TRPC5: variants seen among roughly 807,000 people sequenced by gnomAD.
The protein encoded by TRPC5 is transient receptor potential cation channel subfamily C member 5, also known as short transient receptor potential channel 5.
TRPC5 carries 9 observed loss-of-function variants against 56.5 expected under a neutral mutation model. That is an observed-to-expected ratio of 0.16 (90% CI 0.10 to 0.28). TRPC5 has a LOEUF of 0.28. TRPC5 is among the 10% of genes least tolerant of loss of function. TRPC5 has a pLI of 1.00. For synonymous variants in TRPC5, 282 were observed against 278.5 expected, an observed-to-expected ratio of 1.01 and a Z score of -0.13; for missense variants, 469 against 748.9, an observed-to-expected ratio of 0.63 and a Z score of 4.36.
At chrX:112,075,144 T>A (rs1298926365) in intron 1 of TRPC5, among the ~76,000 whole-genome samples, 1 of 112,615 alleles carries the variant, frequency 8.9e-6, no homozygotes, top group South Asian at 3.7e-4. Flanking sequence ...ATGACCACTA[T>A]GTAAAGATGA....
intron 2 of TRPC5, among the ~76,000 whole-genome samples, chrX:111,918,764 G>A (rs185096167): frequency 9.0e-6 from 1 of 111,601 alleles, no homozygotes; most frequent in East Asian, 2.9e-4. Context: ...GGGAGACTGT[G>A]GACAGAGAGT....
chrX:112,045,026 C>T (rs939564453), intron 1 of TRPC5, among the ~76,000 whole-genome samples: 6 of 112,239 alleles, frequency 5.3e-5, no homozygotes, highest in Admixed American at 9.5e-5. Flanking sequence ...TCTTTGCCTG[C>T]GTCACAAGGG....
intron 3 of TRPC5, among the ~76,000 whole-genome samples, chrX:111,895,017 G>T (rs779710533): frequency 6.3e-5 from 7 of 111,332 alleles, no homozygotes; most frequent in Middle Eastern, 4.7e-3. Context: ...CCTGTATCTT[G>T]GTGGATATTT....
At chrX:112,062,305 A>G (rs1169401928) in intron 1 of TRPC5, among the ~76,000 whole-genome samples, 1 of 111,990 alleles carries the variant, frequency 8.9e-6, no homozygotes, top group African/African-American at 3.2e-5. Flanking sequence ...GAAATACAGA[A>G]CCAAGATCCT....
chrX:111,963,750 T>A (rs1296466968), intron 1 of TRPC5, among the ~76,000 whole-genome samples: 6 of 112,096 alleles, frequency 5.4e-5, no homozygotes, highest in Non-Finnish European at 1.1e-4. Context: ...CCAACAGAGC[T>A]GCAGCTGAGG....
At chrX:111,999,669 G>A (rs1410490438) in intron 1 of TRPC5, among the ~76,000 whole-genome samples, 1 of 112,016 alleles carries the variant, frequency 8.9e-6, no homozygotes, top group Non-Finnish European at 1.9e-5. Flanking sequence ...TAGGGGAATT[G>A]TAATTAGAGT....
chrX:111,861,516 A>G (rs1392582455), intron 3 of TRPC5, among the ~76,000 whole-genome samples: 1 of 111,811 alleles, frequency 8.9e-6, no homozygotes, highest in Non-Finnish European at 1.9e-5. Flanking sequence ...GTTTTTATAC[A>G]CCTTGCATGC....
In TRPC5 at chrX:111,777,133, A is replaced by G. The variant is rs774221842; in HGVS notation, c.2233-131T>C. On this transcript the variant is annotated intron_variant, in intron 10 of 10. Transcript: ENST00000262839. Reference sequence around the variant, plus strand: ...TCACAAAACACCAGAAAAATCTGCCATTATTCAAACACAAGAAAAACATAT... The same window carrying G: ...TCACAAAACACCAGAAAAATCTGCCGTTATTCAAACACAAGAAAAACATAT... 9.9e-6 allele frequency: 5 copies of G among 504,298 alleles called. No homozygotes were observed. The East Asian group carries it at 1.8e-4, about 18-fold the overall frequency. The allele number at this position is 504,298 out of a possible 1,213,427, so 41.6% of individuals were successfully genotyped here.
rs1945857438 is a variant in TRPC5 at position 111,773,699 on chromosome X, T to C, written c.*2614A>G. Reference sequence around the variant, plus strand: ...GTCATTGTCCTTCTCTGGGCCTCTTTATTTTCTATTTGTAAAATATGAGGT... The same window carrying C: ...GTCATTGTCCTTCTCTGGGCCTCTTCATTTTCTATTTGTAAAATATGAGGT... On this transcript the variant is annotated 3_prime_UTR_variant, in exon 11 of 11. Coordinates refer to ENST00000262839, the MANE Select transcript of TRPC5 (RefSeq NM_012471.3). Among the ~76,000 whole-genome samples the C allele has an allele frequency of 9.0e-6, 1 of 111,568 alleles. No individual in the cohort carries two copies. Among genetic ancestry groups the C allele is most frequent in the Non-Finnish European group, 1.9e-5 (1 of 53,071 alleles).
At chrX:112,033,616 A>G (rs570385239) in intron 1 of TRPC5, among the ~76,000 whole-genome samples, 4 of 110,870 alleles carry the variant, frequency 3.6e-5, no homozygotes, top group East Asian at 5.6e-4. Flanking sequence ...GTGAAATTCA[A>G]CTTCATGAAG....
chrX:111,998,345 T>C (rs150464366), intron 1 of TRPC5, among the ~76,000 whole-genome samples: 183 of 112,401 alleles, frequency 1.6e-3, no homozygotes, highest in African/African-American at 5.2e-3. Context: ...ATGTATACAA[T>C]GTCTAATAAT....
At position 112,046,103 on chromosome X, in the gene TRPC5, G is replaced by A. The variant is rs761306848; in HGVS notation, c.-22+35776C>T. Among the ~76,000 whole-genome samples, 3 of 109,595 alleles carry A rather than the reference G, an allele frequency of 2.7e-5. No homozygotes were observed. In the South Asian group the frequency reaches 1.2e-3, roughly 45 times the overall value. Reference sequence around the variant, plus strand: ...ATAATTATGTTGCCTAGAATGTCAAGAGTGCAGAGATTGAGAAACCCTGCT... The same window carrying A: ...ATAATTATGTTGCCTAGAATGTCAAAAGTGCAGAGATTGAGAAACCCTGCT... On this transcript the variant is annotated intron_variant, in intron 1 of 10. Coordinates refer to ENST00000262839, the MANE Select transcript of TRPC5 (RefSeq NM_012471.3).
intron 3 of TRPC5, among the ~76,000 whole-genome samples, chrX:111,876,827 G>C (rs983761725): frequency 3.6e-5 from 4 of 111,642 alleles, no homozygotes; most frequent in Non-Finnish European, 7.5e-5. Context: ...GGGTATGGTG[G>C]TGGTTTTTGT....
At position 111,773,160 on chromosome X, in the gene TRPC5, A is replaced by G. The variant is rs1945853154; in HGVS notation, c.*3153T>C. ...GGGAATTTTTTAATATCTCCATGTC[A>G]GTAGACAGAAGCGTAACTTGAAGCA... On this transcript the variant is annotated 3_prime_UTR_variant, in exon 11 of 11. Coordinates refer to ENST00000262839, the MANE Select transcript of TRPC5 (RefSeq NM_012471.3). Among the ~76,000 whole-genome samples, 1 of 112,295 alleles carries G rather than the reference A, an allele frequency of 8.9e-6. No individual in the cohort carries two copies. The highest frequency in any genetic ancestry group is 3.2e-5 in the African/African-American group (1 of 30,919).
At chrX:111,957,745 G>A (rs1441320967) in intron 1 of TRPC5, among the ~76,000 whole-genome samples, 1 of 112,265 alleles carries the variant, frequency 8.9e-6, no homozygotes, top group Non-Finnish European at 1.9e-5. Flanking sequence ...GTCACGCCCA[G>A]AGCACTTGGT....
chrX:111,802,658 G>C lies in TRPC5; in HGVS notation c.1897-20520C>G, dbSNP rs766957592. 2.7e-5 allele frequency among the ~76,000 whole-genome samples: 3 copies of C among 110,961 alleles called. No individual in the cohort carries two copies. The South Asian group carries it at 1.2e-3, about 43-fold the overall frequency. On this transcript the variant is annotated intron_variant, in intron 7 of 10. Transcript: ENST00000262839. ...TAATTTGTAGTGGTATTACAAGAGTGATGATAATCTTCTTTTAACGACCTC... is the reference window on the plus strand; with the variant it reads ...TAATTTGTAGTGGTATTACAAGAGTCATGATAATCTTCTTTTAACGACCTC...
In TRPC5 at chrX:111,806,552, AAG is replaced by A. The variant is rs201608523; in HGVS notation, c.1897-24416_1897-24415del. Among the ~76,000 whole-genome samples, 970 of 111,874 alleles carry A rather than the reference AAG, an allele frequency of 8.7e-3. 17 individuals are homozygous for A. Among genetic ancestry groups the A allele is most frequent in the African/African-American group, 0.029 (889 of 30,812 alleles). The stretch of plus-strand genomic sequence containing the variant: ...CATGGTAGCAGGCTTTTCTCAGAGT[AAG>A]AGAGAGAGAAAAGCCATGGTCTTTT... On this transcript the variant is annotated intron_variant, in intron 7 of 10. Coordinates refer to ENST00000262839, the MANE Select transcript of TRPC5 (RefSeq NM_012471.3).
At position 111,802,370 on chromosome X, in the gene TRPC5, A is replaced by G. The variant is rs145501212; in HGVS notation, c.1897-20232T>C. Among the ~76,000 whole-genome samples the G allele has an allele frequency of 4.3e-4, 48 of 111,425 alleles. No individual in the cohort carries two copies. The East Asian group carries it at 7.0e-3, about 16-fold the overall frequency. ...TGGGGTCTCTTATATTTGTATATGA[A>G]TTTTAGGAGCAGCTTGTCAATTTAT... On this transcript the variant is annotated intron_variant, in intron 7 of 10. Transcript: ENST00000262839.
intron 7 of TRPC5, among the ~76,000 whole-genome samples, chrX:111,833,621 A>G (rs1922475630): frequency 9.0e-6 from 1 of 111,495 alleles, no homozygotes. Context: ...AGGTAACTCA[A>G]AAGCCTCCTA....
Sources: gnomAD v4.1 joint callset for allele counts (sites outside exome capture counted in the v4.1 genomes callset) on GRCh38, gnomAD v4.1.1 for gene constraint, MANE v1.5 for transcripts, NCBI Gene and HGNC (gene_info 2026-07-23, HGNC 2026-07-21) for gene names.